ATP6V1A: variants seen among roughly 807,000 people sequenced by gnomAD.
The protein encoded by ATP6V1A is ATPase H+ transporting V1 subunit A.
Under a neutral mutation model 70.1 loss-of-function variants are expected in ATP6V1A, and 18 were observed. The observed-to-expected ratio is 0.26, with a 90% CI of 0.18 to 0.38. The LOEUF (loss-of-function observed/expected upper bound fraction) is 0.38, where lower values mean the gene tolerates loss of function less well. Ranked by LOEUF, ATP6V1A falls within the 10% of genes least tolerant of loss-of-function variation. The pLI is 1.00. For synonymous variants in ATP6V1A, 232 were observed against 253.8 expected, an observed-to-expected ratio of 0.91 and a Z score of 0.82; for missense variants, 424 against 772.4, an observed-to-expected ratio of 0.55 and a Z score of 5.35.
chr3:113,773,650 A>G (rs1050172364), intron 1 of ATP6V1A, among the ~76,000 whole-genome samples: 4 of 152,190 alleles, frequency 2.6e-5, no homozygotes, highest in African/African-American at 9.7e-5. Context: ...CAGAACAGAC[A>G]TCATTATTCC....
At position 113,778,904 on chromosome 3, in the gene ATP6V1A, A is replaced by G. The variant is rs563654489; in HGVS notation, c.82+69A>G. ...GATTAATGTCTTTTCAAAATATTTT[A>G]CATAGAAATATACAACTTTCTGTTT... On this transcript the variant is annotated intron_variant, in intron 2 of 14. Transcript: ENST00000273398. 383 of 1,058,512 alleles carry G rather than the reference A, an allele frequency of 3.6e-4. 1 individual carries two copies. In the East Asian group the frequency reaches 0.011, roughly 30 times the overall value. The allele number at this position is 1,058,512 out of a possible 1,614,324, so 65.6% of individuals were successfully genotyped here. A position where few individuals can be genotyped will look rare whatever the true frequency, so the allele number is the denominator to read the frequency against.
intron 11 of ATP6V1A, among the ~76,000 whole-genome samples, chr3:113,798,010 G>T (rs1709171955): frequency 6.6e-6 from 1 of 152,084 alleles, no homozygotes; most frequent in African/African-American, 2.4e-5. Flanking sequence ...GCGCATGCTT[G>T]TAATCCCAGC....
Position 113,810,892 on chromosome 3 carries a change from G to A in ATP6V1A, c.*1465G>A, listed in dbSNP as rs1452432022. On this transcript the variant is annotated 3_prime_UTR_variant, in exon 15 of 15. Transcript: ENST00000273398. ...GTTCACTGGCTTAAGAGGTTTCTCAGAATATCTATGGCCACAGCAGCATAC... is the reference window on the plus strand; with the variant it reads ...GTTCACTGGCTTAAGAGGTTTCTCAAAATATCTATGGCCACAGCAGCATAC... 2 of 152,168 alleles carry A rather than the reference G, an allele frequency of 1.3e-5. No individual in the cohort carries two copies. The highest frequency in any genetic ancestry group is 2.4e-5 in the African/African-American group (1 of 41,426). The allele number at this position is 152,168 out of a possible 1,614,324, so 9.4% of individuals were successfully genotyped here.
chr3:113,810,577 A>G lies in ATP6V1A; in HGVS notation c.*1150A>G, dbSNP rs1709330376. The G allele has an allele frequency of 6.6e-6, 1 of 152,202 alleles. No homozygotes were observed. The highest frequency in any genetic ancestry group is 2.4e-5 in the African/African-American group (1 of 41,448). The allele number at this position is 152,202 out of a possible 1,614,324, so 9.4% of individuals were successfully genotyped here. ...AACAATCACTGAAAACTTGATCCAC[A>G]TCACACCCTGTTTATTTTCCTTAAA... On this transcript the variant is annotated 3_prime_UTR_variant, in exon 15 of 15. Transcript: ENST00000273398.
intron 13 of ATP6V1A, 96 bp downstream of exon 13, chr3:113,803,773 G>T (rs1709246836): frequency 3.5e-6 from 3 of 846,084 alleles, no homozygotes; most frequent in African/African-American, 1.7e-5. Flanking sequence ...TCTCATACAG[G>T]CTCATACACT....
chr3:113,774,761 C>T (rs2108022372), intron 1 of ATP6V1A, among the ~76,000 whole-genome samples: 1 of 150,400 alleles, frequency 6.6e-6, no homozygotes, highest in East Asian at 2.0e-4. Flanking sequence ...TGCAGTGAGC[C>T]GAGATTGCAC....
At chr3:113,796,351 C>G (rs1262245056) in intron 11 of ATP6V1A, among the ~76,000 whole-genome samples, 1 of 152,142 alleles carries the variant, frequency 6.6e-6, no homozygotes, top group Non-Finnish European at 1.5e-5. Flanking sequence ...AGGATTCTTT[C>G]CATCTTGTGA....
intron 1 of ATP6V1A, among the ~76,000 whole-genome samples, chr3:113,758,795 AT>A (rs929096224): frequency 3.3e-5 from 5 of 152,220 alleles, no homozygotes; most frequent in Non-Finnish European, 7.3e-5. Flanking sequence ...TACTAGCAAT[AT>A]GTGAGTGTGT....
intron 1 of ATP6V1A, among the ~76,000 whole-genome samples, chr3:113,775,859 T>C (rs1427269105): frequency 6.6e-6 from 1 of 152,210 alleles, no homozygotes; most frequent in Non-Finnish European, 1.5e-5. Context: ...TTTCACCTCA[T>C]TCACTTGTTC....
At position 113,802,628 on chromosome 3, in the gene ATP6V1A, A is replaced by G. The variant is rs908927041; in HGVS notation, c.1495-955A>G. The G allele has an allele frequency of 2.0e-5, 3 of 147,268 alleles. No individual in the cohort carries two copies. In the Admixed American group the frequency reaches 2.1e-4, roughly 10 times the overall value. The allele number at this position is 147,268 out of a possible 1,614,324, so 9.1% of individuals were successfully genotyped here. On this transcript the variant is annotated intron_variant, in intron 12 of 14. Coordinates refer to ENST00000273398, the MANE Select transcript of ATP6V1A (RefSeq NM_001690.4). ...AGGTGCGAGCCACAGTGCCTGGCCA[A>G]GAACGTCAAGCTTTTTGCCACCGAT...
chr3:113,761,472 C>T (rs528746485), intron 1 of ATP6V1A, among the ~76,000 whole-genome samples: 478 of 151,690 alleles, frequency 3.2e-3, no homozygotes, highest in Non-Finnish European at 5.0e-3. Context: ...CTTGGTGGCT[C>T]GCACGTGTTA....
chr3:113,781,524 G>GAA (rs541740531), intron 3 of ATP6V1A, among the ~76,000 whole-genome samples: 2 of 146,976 alleles, frequency 1.4e-5, no homozygotes, highest in Non-Finnish European at 3.0e-5. Flanking sequence ...TCTCAGAAAA[G>GAA]AAAAAAAAAA....
intron 8 of ATP6V1A, among the ~76,000 whole-genome samples, 189 bp from the exon 9 acceptor site, chr3:113,794,683 A>C (rs1157747227): frequency 1.3e-5 from 2 of 152,200 alleles, no homozygotes; most frequent in Admixed American, 6.5e-5. Flanking sequence ...TTACATGGCC[A>C]TATCTAAGTG....
chr3:113,807,475 T>C (rs1488685937), intron 14 of ATP6V1A, among the ~76,000 whole-genome samples: 29 of 152,128 alleles, frequency 1.9e-4, no homozygotes, highest in Middle Eastern at 6.8e-3. Flanking sequence ...GCCACTACGC[T>C]AAACCAAATT....
intron 14 of ATP6V1A, among the ~76,000 whole-genome samples, chr3:113,807,801 T>G (rs1442811093): frequency 6.6e-6 from 1 of 152,134 alleles, no homozygotes; most frequent in African/African-American, 2.4e-5. Context: ...GTTTTGTGGC[T>G]GGAGAGTAAT....
chr3:113,776,615 C>T (rs956278000), intron 1 of ATP6V1A, among the ~76,000 whole-genome samples: 4 of 152,216 alleles, frequency 2.6e-5, no homozygotes, highest in African/African-American at 9.7e-5. Context: ...GCTTCTTCGA[C>T]TTATCCTGCC....
chr3:113,780,474 GA>G (rs1348887627), intron 2 of ATP6V1A, among the ~76,000 whole-genome samples: 2 of 152,124 alleles, frequency 1.3e-5, no homozygotes, highest in African/African-American at 4.8e-5. Flanking sequence ...TACGGCCTAT[GA>G]AAAAAATTTT....
rs58516178 is a variant in ATP6V1A, at chr3:113,749,263, T to TCACACA, written c.-14+2188_-14+2193dup. The stretch of plus-strand genomic sequence containing the variant: ...AAAAAGCTTTGACATTATACACAGA[T>TCACACA]CACACACACACACACACACACACAC... On this transcript the variant is annotated intron_variant, in intron 1 of 14. Coordinates refer to ENST00000273398, the MANE Select transcript of ATP6V1A (RefSeq NM_001690.4). Among the ~76,000 whole-genome samples the TCACACA allele has an allele frequency of 8.4e-3, 1,186 of 141,244 alleles. 18 individuals are homozygous for TCACACA. Among genetic ancestry groups the TCACACA allele is most frequent in the Admixed American group, 0.019 (273 of 14,098 alleles). The allele number at this position is 141,244 out of a possible 152,430, so 92.7% of individuals were successfully genotyped here.
chr3:113,776,973 A>T (rs1045494313), intron 1 of ATP6V1A, among the ~76,000 whole-genome samples: 10 of 152,184 alleles, frequency 6.6e-5, no homozygotes, highest in Admixed American at 2.6e-4. Context: ...AAACATTCTA[A>T]TCTTTGAACT....
Sources: gnomAD v4.1 joint callset for allele counts (sites outside exome capture counted in the v4.1 genomes callset) on GRCh38, gnomAD v4.1.1 for gene constraint, MANE v1.5 for transcripts, NCBI Gene and HGNC (gene_info 2026-07-23, HGNC 2026-07-21) for gene names.